The following PCDHA7 variants were observed in gnomAD, a reference collection of about 807,000 sequenced individuals.
The protein encoded by PCDHA7 is protocadherin alpha 7.
In PCDHA7, 37 loss-of-function variants were observed where a neutral mutation model predicts 57.2. That is an observed-to-expected ratio of 0.65 (90% confidence interval 0.50 to 0.85). The LOEUF (loss-of-function observed/expected upper bound fraction) is 0.85. Among genes scored for constraint, PCDHA7 ranks in the 40% least tolerant of loss-of-function variants. The pLI, the probability that PCDHA7 is intolerant of heterozygous loss-of-function variation, is 0.00. For missense variants in PCDHA7, 1,188 were observed against 1,241.8 expected (o/e 0.96, Z 0.65); for synonymous variants, 553 against 558.8 (o/e 0.99, Z 0.15).
At chr5:140,933,618 G>T (rs2089270614) in intron 1 of PCDHA7, among the ~76,000 whole-genome samples, 1 of 151,904 alleles carries the variant, frequency 6.6e-6, no homozygotes, top group African/African-American at 2.4e-5. Flanking sequence ...TTCTTATTAG[G>T]TTAGGCTGGC....
At chr5:140,935,232 A>G (rs2090253350) in intron 1 of PCDHA7, among the ~76,000 whole-genome samples, 1 of 152,110 alleles carries the variant, frequency 6.6e-6, no homozygotes, top group African/African-American at 2.4e-5. Context: ...AGGGATGTCT[A>G]TTTTTTAAAA....
chr5:140,847,202 C>A (rs1780900949), intron 1 of PCDHA7, among the ~76,000 whole-genome samples: 1 of 149,570 alleles, frequency 6.7e-6, no homozygotes, highest in Non-Finnish European at 1.5e-5. Flanking sequence ...AATTTGGCCA[C>A]TCTTTAGAAT....
chr5:141,009,060 G>C (rs1192687086), intron 3 of PCDHA7, among the ~76,000 whole-genome samples: 4 of 152,176 alleles, frequency 2.6e-5, no homozygotes, highest in Non-Finnish European at 5.9e-5. Context: ...AATCACAACT[G>C]TATTCTTTAG....
intron 1 of PCDHA7, chr5:140,968,753 C>G: frequency 1.2e-6 from 2 of 1,614,022 alleles, no homozygotes; most frequent in Non-Finnish European, 1.7e-6. Flanking sequence ...CGTGGTGGTC[C>G]GAGATAATGG....
chr5:140,888,047 G>C (rs1246901863), intron 1 of PCDHA7, among the ~76,000 whole-genome samples: 12 of 152,092 alleles, frequency 7.9e-5, no homozygotes, highest in African/African-American at 2.9e-4. Flanking sequence ...ATGTATAATA[G>C]ATGTTTTAAC....
chr5:140,952,841 C>T (rs2094805193), intron 1 of PCDHA7, among the ~76,000 whole-genome samples: 1 of 152,102 alleles, frequency 6.6e-6, no homozygotes, highest in South Asian at 2.1e-4. Context: ...TGGCCATCTG[C>T]TTGTCTTCTG....
chr5:140,986,345 C>T (rs1442253492), intron 3 of PCDHA7, among the ~76,000 whole-genome samples: 2 of 152,172 alleles, frequency 1.3e-5, no homozygotes, highest in African/African-American at 4.8e-5. Flanking sequence ...GTTGCAGCCT[C>T]TTCTTCAGAT....
chr5:140,857,662 T>A (rs782577621), intron 1 of PCDHA7: 2 of 1,596,528 alleles, frequency 1.3e-6, no homozygotes, highest in Non-Finnish European at 1.7e-6. Flanking sequence ...GCGCGCGCGA[T>A]GGGGGCGTGC....
rs782403008 is a variant in PCDHA7 at position 140,877,235 on chromosome 5, G to A, written c.2355+40497G>A. ...TTGGTACCGCGGTCGGTGGGTGCGGGCCACGTGGTGGCGAAAGTGCGCGCG... is the reference window on the plus strand; with the variant it reads ...TTGGTACCGCGGTCGGTGGGTGCGGACCACGTGGTGGCGAAAGTGCGCGCG... On this transcript the variant is annotated intron_variant, in intron 1 of 3. Transcript: ENST00000525929. 49 of 1,613,570 alleles carry A rather than the reference G, an allele frequency of 3.0e-5. No homozygotes were observed. In the South Asian group the frequency reaches 5.1e-4, roughly 17 times the overall value.
chr5:140,929,166 C>A (rs782695019), intron 1 of PCDHA7: 1 of 1,614,146 alleles, frequency 6.2e-7, no homozygotes, highest in Admixed American at 1.7e-5. Context: ...TCTATCGGGC[C>A]TCTCTGGGAC....
At chr5:140,922,391 G>T (rs1354789717) in intron 1 of PCDHA7, among the ~76,000 whole-genome samples, 1 of 152,182 alleles carries the variant, frequency 6.6e-6, no homozygotes, top group Non-Finnish European at 1.5e-5. Context: ...AAGACTCCTT[G>T]TTTTGGATTA....
intron 1 of PCDHA7, chr5:140,856,754 G>T: frequency 6.3e-7 from 1 of 1,596,774 alleles, no homozygotes; most frequent in Non-Finnish European, 8.6e-7. Context: ...AGATGCCAAT[G>T]ATAACGCCCC....
At chr5:140,946,249 C>T (rs930979647) in intron 1 of PCDHA7, among the ~76,000 whole-genome samples, 2 of 151,896 alleles carry the variant, frequency 1.3e-5, no homozygotes, top group Admixed American at 6.6e-5. Flanking sequence ...CATCATGAAT[C>T]ATCAGAAAAA....
chr5:140,928,672 GC>G (rs1466783332), intron 1 of PCDHA7: 1 of 1,614,058 alleles, frequency 6.2e-7, no homozygotes, highest in East Asian at 2.2e-5. Flanking sequence ...TGGTTCTAAT[GC>G]CTGGCTTTCC....
In PCDHA7 at chr5:141,011,088, T is replaced by TTCTC. The variant is rs375099849; in HGVS notation, c.*1165_*1168dup. 6.6e-6 allele frequency: 1 copy of TTCTC among 152,032 alleles called. No homozygotes were observed. Among genetic ancestry groups the TTCTC allele is most frequent in the Non-Finnish European group, 1.5e-5 (1 of 67,462 alleles). 9.4% of individuals were successfully genotyped at this position (152,032 alleles called of 1,614,324 possible). A position where few individuals can be genotyped will look rare whatever the true frequency, so the allele number is the denominator to read the frequency against. On this transcript the variant is annotated 3_prime_UTR_variant, in exon 4 of 4. Transcript: ENST00000525929. The stretch of plus-strand genomic sequence containing the variant: ...TATTACTAAATAAAATGATCTCTCT[T>TTCTC]TCTCTCTCTCTCTCTCTTTTCTAAG...
chr5:140,860,136 T>C (rs2150487566), intron 1 of PCDHA7: 1 of 150,532 alleles, frequency 6.6e-6, no homozygotes, highest in East Asian at 2.0e-4. Context: ...TGTGTGTGTA[T>C]ATATATGTAT....
At chr5:140,909,043 C>T (rs2074280472) in intron 1 of PCDHA7, among the ~76,000 whole-genome samples, 1 of 152,188 alleles carries the variant, frequency 6.6e-6, no homozygotes, top group Non-Finnish European at 1.5e-5. Flanking sequence ...TTTCCATACT[C>T]TGGCATGCAA....
At chr5:140,876,532 T>C in intron 1 of PCDHA7, 4 of 1,614,158 alleles carry the variant, frequency 2.5e-6, no homozygotes, top group Middle Eastern at 1.6e-4. Context: ...AATGGTTACT[T>C]CACTGTCGCT....
chr5:140,990,834 A>G (rs1554251782), intron 3 of PCDHA7, among the ~76,000 whole-genome samples: 1 of 152,234 alleles, frequency 6.6e-6, no homozygotes, highest in East Asian at 1.9e-4. Flanking sequence ...AAAGCCTATT[A>G]GCAAAAATAG....
Sources: gnomAD v4.1 joint callset for allele counts (sites outside exome capture counted in the v4.1 genomes callset) on GRCh38, gnomAD v4.1.1 for gene constraint, MANE v1.5 for transcripts, NCBI Gene and HGNC (gene_info 2026-07-23, HGNC 2026-07-21) for gene names.